PRR5L: variants seen among roughly 807,000 people sequenced by gnomAD.
PRR5L encodes the protein proline rich 5 like.
Under a neutral mutation model 36.4 loss-of-function variants are expected in PRR5L, and 21 were observed. The observed-to-expected ratio is 0.58, with a 90% confidence interval of 0.41 to 0.83. PRR5L has a LOEUF of 0.83. PRR5L is among the 40% of genes least tolerant of loss of function. The probability of loss-of-function intolerance (pLI) is 0.00; values close to 1 mark genes in which losing one functional copy is unlikely to be tolerated. For synonymous variants in PRR5L, 188 were observed against 197.0 expected, an observed-to-expected ratio of 0.95 and a Z score of 0.38; for missense variants, 381 against 473.3, an observed-to-expected ratio of 0.80 and a Z score of 1.81.
intron 1 of PRR5L, among the ~76,000 whole-genome samples, chr11:36,361,702 A>G (rs1857090265): frequency 6.6e-6 from 1 of 152,212 alleles, no homozygotes; most frequent in Non-Finnish European, 1.5e-5. Flanking sequence ...AATGAGGTAA[A>G]GAGACAACCT....
intron 4 of PRR5L, among the ~76,000 whole-genome samples, chr11:36,431,347 C>A (rs1858488554): frequency 6.6e-6 from 1 of 152,194 alleles, no homozygotes; most frequent in African/African-American, 2.4e-5. Context: ...TTTACTTTCT[C>A]TTTCCACAAT....
chr11:36,302,806 T>TA (rs949412870), intron 1 of PRR5L, among the ~76,000 whole-genome samples: 1 of 151,554 alleles, frequency 6.6e-6, no homozygotes, highest in Non-Finnish European at 1.5e-5. Flanking sequence ...AAAATAAAAA[T>TA]AAAAAAGAAA....
chr11:36,435,760 T>C (rs2133604131), intron 5 of PRR5L, among the ~76,000 whole-genome samples: 1 of 152,274 alleles, frequency 6.6e-6, no homozygotes, highest in African/African-American at 2.4e-5. Context: ...TATTAAGTCC[T>C]GTTCTACACT....
At chr11:36,421,155 C>T (rs554458703) in intron 4 of PRR5L, among the ~76,000 whole-genome samples, 11 of 152,096 alleles carry the variant, frequency 7.2e-5, no homozygotes, top group Non-Finnish European at 1.2e-4. Context: ...CTGGAGAAAC[C>T]TGCTGGGTTG....
At chr11:36,394,842 G>A (rs1363752811) in intron 1 of PRR5L, among the ~76,000 whole-genome samples, 1 of 152,160 alleles carries the variant, frequency 6.6e-6, no homozygotes, top group Non-Finnish European at 1.5e-5. Flanking sequence ...GGTGACAAGT[G>A]TATGCATCTT....
intron 1 of PRR5L, among the ~76,000 whole-genome samples, chr11:36,352,301 C>G (rs1366376529): frequency 6.6e-6 from 1 of 151,740 alleles, no homozygotes; most frequent in South Asian, 2.1e-4. Context: ...TTTGTTTTTT[C>G]TTGCTAATTT....
chr11:36,346,213 G>A (rs918988777), intron 1 of PRR5L, among the ~76,000 whole-genome samples: 3 of 152,094 alleles, frequency 2.0e-5, no homozygotes, highest in South Asian at 4.1e-4. Context: ...GTGTTCAAGC[G>A]ATCCTCCAGC....
At chr11:36,427,932 G>A (rs921858958) in intron 4 of PRR5L, among the ~76,000 whole-genome samples, 28 of 152,224 alleles carry the variant, frequency 1.8e-4, no homozygotes, top group African/African-American at 6.8e-4. Context: ...AACCCCAAGA[G>A]ATTGCACATC....
intron 1 of PRR5L, among the ~76,000 whole-genome samples, chr11:36,366,308 G>C (rs1429004342): frequency 1.3e-5 from 2 of 152,068 alleles, no homozygotes. Context: ...ACCTCACATA[G>C]TGTCAGCACA....
In PRR5L at chr11:36,462,405, C is replaced by G. The variant is rs557394432; in HGVS notation, c.776C>G (p.Ala259Gly). 1.3e-6 allele frequency: 2 copies of G among 1,568,192 alleles called. No homozygotes were observed. The highest frequency in any genetic ancestry group is 1.7e-6 in the Non-Finnish European group (2 of 1,154,702). ...CTGAACTATGCCTCCCCGATAACCG[C>G]AGTCAGCCGGCCACTGAATGAGATG... ...TVLNYASPIT[A>G]VSRPLNEMVL... The change falls in exon 9 of 9, where the codon GCA becomes GGA. Residue 259 changes from alanine (A) to glycine (G), a missense_variant. By Grantham distance (60) the Ala-to-Gly change is moderately conservative. Transcript: ENST00000530639.
Position 36,359,910 on chromosome 11 carries a change from G to A in PRR5L, c.-125-41087G>A, listed in dbSNP as rs542216676. The stretch of plus-strand genomic sequence containing the variant: ...AAATCAGCTGGACATGGTGATGCGC[G>A]CCTGTAGTCCCAGCTACTAGGAAGT... On this transcript the variant is annotated intron_variant, in intron 1 of 8. Transcript: ENST00000530639. Among the ~76,000 whole-genome samples, 13 of 152,128 alleles carry A rather than the reference G, an allele frequency of 8.5e-5. No homozygotes were observed. In the East Asian group the frequency reaches 1.9e-3, roughly 23 times the overall value.
intron 4 of PRR5L, among the ~76,000 whole-genome samples, chr11:36,430,326 T>A (rs900264909): frequency 6.6e-6 from 1 of 152,102 alleles, no homozygotes; most frequent in Non-Finnish European, 1.5e-5. Flanking sequence ...GTGGGAGAAT[T>A]GCGTGAACCT....
chr11:36,313,665 C>T (rs1295579154), intron 1 of PRR5L, among the ~76,000 whole-genome samples: 7 of 152,110 alleles, frequency 4.6e-5, no homozygotes, highest in Non-Finnish European at 1.5e-5. Flanking sequence ...TATGAAAAAG[C>T]CAAGCACCTC....
chr11:36,436,001 G>A (rs1471930954), intron 5 of PRR5L, among the ~76,000 whole-genome samples: 2 of 152,202 alleles, frequency 1.3e-5, no homozygotes, highest in Non-Finnish European at 2.9e-5. Context: ...TTCCGATAAA[G>A]TGTGATCAGT....
intron 1 of PRR5L, among the ~76,000 whole-genome samples, chr11:36,359,249 A>C (rs1857060015): frequency 6.6e-6 from 1 of 152,206 alleles, no homozygotes. Flanking sequence ...GAATAGAAGG[A>C]TGTTCTGCCA....
Position 36,403,465 on chromosome 11 carries a change from T to TTG in PRR5L, c.245+88_245+89insGT, listed in dbSNP as rs199892178. 6.7e-3 allele frequency: 3,932 copies of TTG among 582,672 alleles called. 18 individuals are homozygous for TTG. Among genetic ancestry groups the TTG allele is most frequent in the South Asian group, 8.8e-3 (333 of 37,650 alleles). The allele number at this position is 582,672 out of a possible 1,614,324, so 36.1% of individuals were successfully genotyped here. ...CTACCGCCTTAGGAGCCTTAAGGGT[T>TTG]TTTTTTTTTTTTTTCCTGCTTGATT... is the stretch of plus-strand genomic sequence containing the variant. On this transcript the variant is annotated intron_variant, in intron 3 of 8. Transcript: ENST00000530639.
chr11:36,398,062 T>G (rs1857706806), intron 1 of PRR5L, among the ~76,000 whole-genome samples: 2 of 152,224 alleles, frequency 1.3e-5, no homozygotes. Flanking sequence ...CCCAAAGTGC[T>G]GGGATTCCAG....
chr11:36,309,117 C>T (rs182381460), intron 1 of PRR5L, among the ~76,000 whole-genome samples: 36 of 152,250 alleles, frequency 2.4e-4, no homozygotes, highest in Admixed American at 6.5e-4. Context: ...TATGTCTCAT[C>T]GAAGCAGCTC....
In PRR5L at chr11:36,310,528, G is replaced by A. The variant is rs539205265; in HGVS notation, c.-126+14090G>A. Among the ~76,000 whole-genome samples, 3 of 152,294 alleles carry A rather than the reference G, an allele frequency of 2.0e-5. No individual in the cohort carries two copies. In the South Asian group the frequency reaches 6.2e-4, roughly 32 times the overall value. ...ACAAGTAAGGAAGTTAGGTGGGCAAGGGAAAGTAGCCAATAAAAGATGAAT... is the reference window on the plus strand; with the variant it reads ...ACAAGTAAGGAAGTTAGGTGGGCAAAGGAAAGTAGCCAATAAAAGATGAAT... On this transcript the variant is annotated intron_variant, in intron 1 of 8. Coordinates refer to ENST00000530639, the MANE Select transcript of PRR5L (RefSeq NM_001160167.2).
Sources: gnomAD v4.1 joint callset for allele counts (sites outside exome capture counted in the v4.1 genomes callset) on GRCh38, gnomAD v4.1.1 for gene constraint, MANE v1.5 for transcripts, NCBI Gene and HGNC (gene_info 2026-07-23, HGNC 2026-07-21) for gene names.